Variants in SLC71A2 observed in about 807,000 individuals in gnomAD.
The protein encoded by SLC71A2 is solute carrier family 71 member 2, also known as hippocampus abundant transcript-like 1.
the SLC71A2 span, among the ~76,000 whole-genome samples, chr9:94,441,409 C>T: frequency 6.6e-6 from 1 of 152,112 alleles, no homozygotes; most frequent in South Asian, 2.1e-4. Context: ...AGGTGCTACA[C>T]ACTTTTAAAC....
the SLC71A2 span, among the ~76,000 whole-genome samples, chr9:94,454,719 C>CA: frequency 8.6e-5 from 13 of 151,794 alleles, no homozygotes; most frequent in Admixed American, 7.2e-4. Flanking sequence ...CAAGAAGATA[C>CA]AAAAAAAATG....
chr9:94,409,129 CT>C, the SLC71A2 span, among the ~76,000 whole-genome samples: 9,420 of 67,810 alleles, frequency 0.14, 784 homozygotes, highest in African/African-American at 0.3. Flanking sequence ...GCCCGGCCTC[CT>C]TTTTTTTTTT....
At chr9:94,416,458 T>C in the SLC71A2 span, among the ~76,000 whole-genome samples, 2 of 152,218 alleles carry the variant, frequency 1.3e-5, no homozygotes, top group Non-Finnish European at 2.9e-5. Flanking sequence ...TTAAATAAGG[T>C]TTAGACAGCA....
chr9:94,456,437 G>A, the SLC71A2 span: 49 of 859,700 alleles, frequency 5.7e-5, no homozygotes, highest in South Asian at 8.4e-5. Context: ...AGCAGGAGCC[G>A]ACAGCCATAT....
chr9:94,446,956 T>A, the SLC71A2 span: 4 of 1,175,316 alleles, frequency 3.4e-6, no homozygotes, highest in Non-Finnish European at 5.1e-6. Context: ...GAGTGGCTAG[T>A]AGCCTTTCAA....
At chr9:94,409,036 TGTTAGCCAG>T in the SLC71A2 span, among the ~76,000 whole-genome samples, 1 of 151,498 alleles carries the variant, frequency 6.6e-6, no homozygotes, top group Non-Finnish European at 1.5e-5. Context: ...GGTTTTACCA[TGTTAGCCAG>T]GATGGTCTCG....
chr9:94,445,096 G>C, the SLC71A2 span: 2 of 1,614,178 alleles, frequency 1.2e-6, no homozygotes, highest in Non-Finnish European at 1.7e-6. Flanking sequence ...CTTCATCTTA[G>C]TGGCTGTTCC....
chr9:94,456,303 C>T, the SLC71A2 span: 3 of 1,613,966 alleles, frequency 1.9e-6, no homozygotes, highest in Middle Eastern at 4.9e-4. Context: ...CAATCAGTGC[C>T]CTCGTCTCTC....
At chr9:94,398,414 C>A in the SLC71A2 span, among the ~76,000 whole-genome samples, 2 of 151,974 alleles carry the variant, frequency 1.3e-5, no homozygotes, top group Non-Finnish European at 2.9e-5. Context: ...AGCTTATATA[C>A]CTTCTAAGTT....
At chr9:94,444,886 G>T in the SLC71A2 span, 1 of 1,374,472 alleles carries the variant, frequency 7.3e-7, no homozygotes, top group South Asian at 1.2e-5. Context: ...ACCTGCAGCA[G>T]GCAGACCTGG....
At chr9:94,434,336 G>C in the SLC71A2 span, among the ~76,000 whole-genome samples, 2 of 152,074 alleles carry the variant, frequency 1.3e-5, no homozygotes, top group African/African-American at 4.8e-5. Context: ...TATTTTTTGA[G>C]ACGGAGTCCC....
the SLC71A2 span, among the ~76,000 whole-genome samples, chr9:94,382,680 C>T: frequency 3.3e-5 from 5 of 151,168 alleles, no homozygotes; most frequent in Non-Finnish European, 5.9e-5. Context: ...TTTTTTTAGA[C>T]GGAGTCTCTT....
At chr9:94,396,981 G>T in the SLC71A2 span, among the ~76,000 whole-genome samples, 2 of 152,136 alleles carry the variant, frequency 1.3e-5, no homozygotes, top group Non-Finnish European at 2.9e-5. Context: ...TGTTGGTCAG[G>T]CTGGTTTTGA....
At chr9:94,391,469 C>T in the SLC71A2 span, among the ~76,000 whole-genome samples, 9 of 151,170 alleles carry the variant, frequency 6.0e-5, no homozygotes, top group Non-Finnish European at 1.2e-4. Context: ...AAAATGTAAT[C>T]AGGTAAAAAA....
At chr9:94,406,440 T>C in the SLC71A2 span, among the ~76,000 whole-genome samples, 2 of 152,212 alleles carry the variant, frequency 1.3e-5, no homozygotes, top group South Asian at 4.2e-4. Flanking sequence ...GTTTTCACCA[T>C]GTTGGTCAGG....
the SLC71A2 span, among the ~76,000 whole-genome samples, chr9:94,380,767 G>A: frequency 1.9e-5 from 1 of 53,472 alleles, no homozygotes. Context: ...ACTGTGCCCA[G>A]CATTAGTCTG....
the SLC71A2 span, among the ~76,000 whole-genome samples, chr9:94,452,664 TA>T: frequency 1.2e-4 from 7 of 57,030 alleles, no homozygotes; most frequent in African/African-American, 5.4e-4. Flanking sequence ...TATTCATATA[TA>T]TTCATATATA....
the SLC71A2 span, among the ~76,000 whole-genome samples, chr9:94,400,975 AC>A: frequency 6.6e-6 from 1 of 152,196 alleles, no homozygotes; most frequent in Non-Finnish European, 1.5e-5. Context: ...AGCCTTTCAG[AC>A]TTGCTTCTTT....
chr9:94,448,722 T>C, the SLC71A2 span, among the ~76,000 whole-genome samples: 1 of 152,332 alleles, frequency 6.6e-6, no homozygotes, highest in Admixed American at 6.5e-5. Context: ...AGCCTCTGTC[T>C]CCTGGGTTCA....
Sources: allele counts gnomAD v4.1 joint callset (sites outside exome capture counted in the v4.1 genomes callset), GRCh38; gene constraint gnomAD v4.1.1; transcripts MANE v1.5; gene names NCBI Gene and HGNC (gene_info 2026-07-23, HGNC 2026-07-21).